ZBTB20: variants seen among roughly 807,000 people sequenced by gnomAD.
ZBTB20 encodes zinc finger and BTB domain containing 20.
A neutral mutation model predicts 56.9 loss-of-function variants in ZBTB20; 9 were observed. The ratio of observed to expected loss-of-function variants is 0.16; its 90% CI spans 0.10 to 0.28. The LOEUF is 0.28. ZBTB20 is among the 10% of genes least tolerant of loss of function. The pLI is 1.00. For synonymous variants in ZBTB20, 417 were observed against 420.7 expected (o/e 0.99, Z 0.11); for missense variants, 655 against 1,003.0 (o/e 0.65, Z 4.69).
At chr3:114,836,173 A>G (rs1465131824) in intron 4 of ZBTB20, among the ~76,000 whole-genome samples, 1 of 152,216 alleles carries the variant, frequency 6.6e-6, no homozygotes, top group East Asian at 1.9e-4. Context: ...GTTATCTTGT[A>G]TTTGATATGT....
chr3:114,706,330 G>T (rs1229197061), intron 5 of ZBTB20, among the ~76,000 whole-genome samples: 1 of 152,144 alleles, frequency 6.6e-6, no homozygotes, highest in Non-Finnish European at 1.5e-5. Context: ...GTCTATTTGT[G>T]TGTGACTTTC....
chr3:114,918,989 C>A (rs927853964), intron 3 of ZBTB20, among the ~76,000 whole-genome samples: 1 of 152,138 alleles, frequency 6.6e-6, no homozygotes. Flanking sequence ...TTATTTAGGA[C>A]CCCAGAGAAT....
intron 6 of ZBTB20, among the ~76,000 whole-genome samples, chr3:114,562,341 T>C (rs1428039760): frequency 1.3e-5 from 2 of 152,136 alleles, no homozygotes; most frequent in East Asian, 3.9e-4. Flanking sequence ...ATTTTTGTAT[T>C]TTTAGTAGAG....
intron 4 of ZBTB20, among the ~76,000 whole-genome samples, chr3:114,816,970 A>G (rs1359989473): frequency 6.6e-6 from 1 of 152,188 alleles, no homozygotes; most frequent in Non-Finnish European, 1.5e-5. Flanking sequence ...CAATAAAAAA[A>G]ATTGCAGAAG....
intron 3 of ZBTB20, among the ~76,000 whole-genome samples, chr3:114,905,394 C>G (rs1010246780): frequency 2.0e-5 from 3 of 151,824 alleles, no homozygotes; most frequent in Admixed American, 1.3e-4. Flanking sequence ...CCTCCAGAAT[C>G]TGATATCCTG....
intron 7 of ZBTB20, among the ~76,000 whole-genome samples, chr3:114,484,349 T>C (rs2041874760): frequency 6.6e-6 from 1 of 152,178 alleles, no homozygotes; most frequent in Admixed American, 6.5e-5. Context: ...CATTGTGTGC[T>C]CTGCTGTTCC....
At chr3:114,396,881 G>T (rs1024985996) in intron 7 of ZBTB20, among the ~76,000 whole-genome samples, 1 of 151,624 alleles carries the variant, frequency 6.6e-6, no homozygotes, top group Non-Finnish European at 1.5e-5. Context: ...CCTTTTCTTA[G>T]CTCTCATACT....
intron 6 of ZBTB20, among the ~76,000 whole-genome samples, chr3:114,681,436 C>T (rs771976933): frequency 2.0e-5 from 3 of 151,984 alleles, no homozygotes; most frequent in Non-Finnish European, 4.4e-5. Flanking sequence ...GCTGGGATTA[C>T]AGGCGTGAGC....
intron 7 of ZBTB20, among the ~76,000 whole-genome samples, chr3:114,439,038 C>T (rs2090732567): frequency 6.6e-6 from 1 of 152,134 alleles, no homozygotes; most frequent in South Asian, 2.1e-4. Flanking sequence ...ATCCTGGGGT[C>T]TGCCAACATA....
rs576996700 is a variant in ZBTB20 at position 114,326,208 on chromosome 3, A to G, written c.*12797T>C. ...CTTGCAGTAGATATTAATTAGAAAT[A>G]CCCAAAGAATTTAATTAAACTAATT... On this transcript the variant is annotated 3_prime_UTR_variant, in exon 12 of 12. Transcript: ENST00000675478. 2.0e-5 allele frequency: 3 copies of G among 152,182 alleles called. No homozygotes were observed. Among genetic ancestry groups the G allele is most frequent in the East Asian group, 3.8e-4 (2 of 5,200 alleles). The allele number at this position is 152,182 out of a possible 1,614,324, so 9.4% of individuals were successfully genotyped here. A position where few individuals can be genotyped will look rare whatever the true frequency, so the allele number is the denominator to read the frequency against.
At chr3:114,780,282 C>T (rs1250642750) in intron 5 of ZBTB20, among the ~76,000 whole-genome samples, 1 of 152,020 alleles carries the variant, frequency 6.6e-6, no homozygotes, top group African/African-American at 2.4e-5. Context: ...ATAAAGCCTA[C>T]TTTAAGTTTT....
At chr3:114,427,850 C>T (rs1282210851) in intron 7 of ZBTB20, among the ~76,000 whole-genome samples, 2 of 152,112 alleles carry the variant, frequency 1.3e-5, no homozygotes, top group Admixed American at 1.3e-4. Context: ...GCAGAGCACT[C>T]GTTTTGGCAA....
intron 6 of ZBTB20, among the ~76,000 whole-genome samples, chr3:114,557,217 T>C (rs914631069): frequency 6.6e-6 from 1 of 152,004 alleles, no homozygotes; most frequent in Non-Finnish European, 1.5e-5. Context: ...CATGTGGGAA[T>C]AGTCATCCTT....
At chr3:114,724,878 A>G (rs180888547) in intron 5 of ZBTB20, among the ~76,000 whole-genome samples, 4 of 152,176 alleles carry the variant, frequency 2.6e-5, no homozygotes, top group Non-Finnish European at 4.4e-5. Context: ...TAATTGAGCC[A>G]TAAAATAAAA....
At chr3:114,785,737 C>G (rs898213042) in intron 5 of ZBTB20, among the ~76,000 whole-genome samples, 1 of 152,026 alleles carries the variant, frequency 6.6e-6, no homozygotes, top group African/African-American at 2.4e-5. Flanking sequence ...ACATATCCAT[C>G]ACCTCATATA....
At chr3:114,733,109 G>A (rs1274334096) in intron 5 of ZBTB20, among the ~76,000 whole-genome samples, 7 of 152,100 alleles carry the variant, frequency 4.6e-5, no homozygotes, top group Non-Finnish European at 1.0e-4. Context: ...CATTTTATTG[G>A]TTTAATGTAA....
At chr3:114,909,211 G>A (rs553184350) in intron 3 of ZBTB20, among the ~76,000 whole-genome samples, 4 of 152,006 alleles carry the variant, frequency 2.6e-5, no homozygotes, top group African/African-American at 4.8e-5. Flanking sequence ...GGATGATCCC[G>A]ACCCTGTGTA....
chr3:114,415,531 C>T (rs985633096), intron 7 of ZBTB20, among the ~76,000 whole-genome samples: 4 of 152,046 alleles, frequency 2.6e-5, no homozygotes, highest in African/African-American at 4.8e-5. Flanking sequence ...CTGGCTTACT[C>T]GGTTAGAACA....
intron 5 of ZBTB20, among the ~76,000 whole-genome samples, chr3:114,722,232 A>G (rs947016906): frequency 2.6e-5 from 4 of 152,096 alleles, no homozygotes; most frequent in African/African-American, 9.7e-5. Context: ...ACAGAAAGTT[A>G]CTTTAAACAT....
Sources: gnomAD v4.1 joint callset for allele counts (sites outside exome capture counted in the v4.1 genomes callset) on GRCh38, gnomAD v4.1.1 for gene constraint, MANE v1.5 for transcripts, NCBI Gene and HGNC (gene_info 2026-07-23, HGNC 2026-07-21) for gene names.